Variants in LRCH2 observed in about 807,000 individuals in gnomAD.
LRCH2 encodes the protein leucine rich repeats and calponin homology domain containing 2.
A neutral mutation model predicts 68.9 loss-of-function variants in LRCH2; 38 were observed. The observed-to-expected ratio is 0.55, with a 90% CI of 0.43 to 0.72. LRCH2 has a LOEUF of 0.72. Ranked by LOEUF, LRCH2 falls within the 30% of genes least tolerant of loss-of-function variation. LRCH2 has a pLI of 0.00. For missense variants in LRCH2, 528 were observed against 572.9 expected, an observed-to-expected ratio of 0.92 and a Z score of 0.80; for synonymous variants, 191 against 208.1, an observed-to-expected ratio of 0.92 and a Z score of 0.71.
chrX:115,213,520 G>A (rs1169755935), intron 1 of LRCH2, among the ~76,000 whole-genome samples: 1 of 111,335 alleles, frequency 9.0e-6, no homozygotes, highest in African/African-American at 3.3e-5. Context: ...AGATGTTAGG[G>A]TAAATCAAAA....
At chrX:115,134,919 T>A (rs1161602466) in intron 14 of LRCH2, among the ~76,000 whole-genome samples, 1 of 110,858 alleles carries the variant, frequency 9.0e-6, no homozygotes, top group Non-Finnish European at 1.9e-5. Context: ...AAATGATTCA[T>A]CATTCTAGAT....
At chrX:115,182,022 A>C (rs2147407343) in intron 3 of LRCH2, among the ~76,000 whole-genome samples, 1 of 111,622 alleles carries the variant, frequency 9.0e-6, no homozygotes, top group East Asian at 2.8e-4. Context: ...AGGTATTATA[A>C]GTAATCTAGA....
intron 1 of LRCH2, among the ~76,000 whole-genome samples, chrX:115,208,395 T>C (rs1289797985): frequency 6.2e-5 from 7 of 112,117 alleles, no homozygotes; most frequent in African/African-American, 2.3e-4. Context: ...AGTAGACAGA[T>C]TGCTGTGTCC....
At chrX:115,114,786 G>A (rs369328373) in intron 20 of LRCH2, among the ~76,000 whole-genome samples, 3 of 110,566 alleles carry the variant, frequency 2.7e-5, no homozygotes, top group East Asian at 2.8e-4. Flanking sequence ...AAATGATTCT[G>A]TAAAGAGAAA....
intron 1 of LRCH2, among the ~76,000 whole-genome samples, chrX:115,225,373 G>A (rs189569893): frequency 9.0e-6 from 1 of 110,632 alleles, no homozygotes; most frequent in East Asian, 2.8e-4. Context: ...TGTTTTCTGA[G>A]CCCCAACATA....
intron 1 of LRCH2, among the ~76,000 whole-genome samples, chrX:115,231,903 A>C (rs782432269): frequency 8.9e-6 from 1 of 112,050 alleles, no homozygotes; most frequent in African/African-American, 3.2e-5. Context: ...AAAGACAATA[A>C]GTACCATGGG....
intron 3 of LRCH2, among the ~76,000 whole-genome samples, chrX:115,180,499 C>G (rs1267075466): frequency 9.0e-6 from 1 of 110,634 alleles, no homozygotes; most frequent in Non-Finnish European, 1.9e-5. Flanking sequence ...TGTGCTCTCT[C>G]CCCTCTTTCT....
At chrX:115,225,548 T>G (rs1485774751) in intron 1 of LRCH2, among the ~76,000 whole-genome samples, 1 of 112,073 alleles carries the variant, frequency 8.9e-6, no homozygotes, top group Non-Finnish European at 1.9e-5. Flanking sequence ...ATTTTACATA[T>G]TCTTAAACAG....
At chrX:115,192,072 G>T in intron 1 of LRCH2, 1 of 1,162,844 alleles carries the variant, frequency 8.6e-7, no homozygotes, top group Non-Finnish European at 1.1e-6. Context: ...GGGGCCGATC[G>T]CCCGATGCCC....
At chrX:115,124,460 T>G (rs1569511668) in intron 16 of LRCH2, among the ~76,000 whole-genome samples, 1 of 112,336 alleles carries the variant, frequency 8.9e-6, no homozygotes, top group East Asian at 2.8e-4. Context: ...TATCATCTCT[T>G]CTATTTGAAT....
intron 20 of LRCH2, among the ~76,000 whole-genome samples, chrX:115,121,564 T>C (rs1444290133): frequency 2.7e-5 from 3 of 111,418 alleles, no homozygotes; most frequent in East Asian, 5.7e-4. Context: ...GGCAGGAAAA[T>C]TGCTTGAACT....
chrX:115,145,557 T>C (rs1183845791), intron 14 of LRCH2, among the ~76,000 whole-genome samples: 1 of 111,293 alleles, frequency 9.0e-6, no homozygotes, highest in Non-Finnish European at 1.9e-5. Flanking sequence ...AAGGAATTAA[T>C]AACCAGAATT....
At chrX:115,212,162 G>A (rs1250224200) in intron 1 of LRCH2, among the ~76,000 whole-genome samples, 1 of 111,554 alleles carries the variant, frequency 9.0e-6, no homozygotes, top group Non-Finnish European at 1.9e-5. Flanking sequence ...AGACTCCCGT[G>A]TGAGAGACAG....
At chrX:115,122,385 G>T in intron 20 of LRCH2, 142 bp downstream of exon 20, 1 of 460,798 alleles carries the variant, frequency 2.2e-6, no homozygotes, top group Non-Finnish European at 3.7e-6. Flanking sequence ...TACAGTGAAA[G>T]CTGGAGCTTA....
intron 2 of LRCH2, among the ~76,000 whole-genome samples, chrX:115,186,132 G>A (rs181373990): frequency 4.5e-5 from 5 of 111,431 alleles, no homozygotes; most frequent in South Asian, 7.6e-4. Context: ...AGGCCGAGGC[G>A]GGCAAATCAT....
chrX:115,117,618 G>C (rs979870336), intron 20 of LRCH2, among the ~76,000 whole-genome samples: 1 of 111,192 alleles, frequency 9.0e-6, no homozygotes, highest in Non-Finnish European at 1.9e-5. Flanking sequence ...GAAATGAACA[G>C]CAATGGTCTA....
chrX:115,118,396 G>A (rs1430497287), intron 20 of LRCH2, among the ~76,000 whole-genome samples: 2 of 109,399 alleles, frequency 1.8e-5, no homozygotes, highest in Non-Finnish European at 3.8e-5. Context: ...ACACCTCTAC[G>A]CAAATAAACT....
chrX:115,179,630 A>C lies in LRCH2; in HGVS notation c.727+16T>G. 9.0e-7 allele frequency: 1 copy of C among 1,110,887 alleles called. No homozygotes were observed. The highest frequency in any genetic ancestry group is 1.2e-6 in the Non-Finnish European group (1 of 839,988). 91.5% of individuals were successfully genotyped at this position (1,110,887 alleles called of 1,213,427 possible). A position where few individuals can be genotyped will look rare whatever the true frequency, so the allele number is the denominator to read the frequency against. On this transcript the variant is annotated intron_variant, in intron 4 of 20. Coordinates refer to ENST00000317135, the MANE Select transcript of LRCH2 (RefSeq NM_020871.4). ...TACTCTCTTATTCATGTGAGTAAAA[A>C]CAGTGAACATCTTACCATCTGGCAA...
At chrX:115,203,264 C>T (rs2072942401) in intron 1 of LRCH2, among the ~76,000 whole-genome samples, 1 of 111,703 alleles carries the variant, frequency 9.0e-6, no homozygotes, top group Non-Finnish European at 1.9e-5. Flanking sequence ...TCACTTCTCA[C>T]CAGGTCCCTC....
Sources: allele counts gnomAD v4.1 joint callset (sites outside exome capture counted in the v4.1 genomes callset), GRCh38; gene constraint gnomAD v4.1.1; transcripts MANE v1.5; gene names NCBI Gene and HGNC (gene_info 2026-07-23, HGNC 2026-07-21).